The following INPP4B variants were observed in gnomAD, a reference collection of about 807,000 sequenced individuals.
INPP4B encodes the protein inositol polyphosphate 4-phosphatase type II.
INPP4B carries 55 observed loss-of-function variants against 122.5 expected under a neutral mutation model. That is an observed-to-expected ratio of 0.45 (90% confidence interval 0.36 to 0.56). The LOEUF (loss-of-function observed/expected upper bound fraction) is 0.56, where lower values mean the gene tolerates loss of function less well. Ranked by LOEUF, INPP4B falls within the 20% of genes least tolerant of loss-of-function variation. INPP4B has a pLI of 0.00. For missense variants in INPP4B, 1,000 were observed against 1,097.7 expected (o/e 0.91, Z 1.26); for synonymous variants, 403 against 388.7 (o/e 1.04, Z -0.43).
chr4:142,251,708 T>G (rs889213169), intron 11 of INPP4B, among the ~76,000 whole-genome samples: 1 of 152,216 alleles, frequency 6.6e-6, no homozygotes, highest in Non-Finnish European at 1.5e-5. Context: ...AACATATTGC[T>G]CAATTAAATT....
intron 2 of INPP4B, among the ~76,000 whole-genome samples, chr4:142,504,306 C>T (rs1823737725): frequency 6.6e-6 from 1 of 151,870 alleles, no homozygotes; most frequent in Non-Finnish European, 1.5e-5. Flanking sequence ...AGTGAAATGT[C>T]ACTTTATACC....
intron 14 of INPP4B, among the ~76,000 whole-genome samples, chr4:142,198,700 T>C (rs927583890): frequency 1.3e-5 from 2 of 152,132 alleles, no homozygotes; most frequent in Non-Finnish European, 2.9e-5. Flanking sequence ...GAATTACTTA[T>C]AGTTTGTGAA....
chr4:142,203,097 C>T (rs1460671633), intron 14 of INPP4B, among the ~76,000 whole-genome samples: 2 of 152,090 alleles, frequency 1.3e-5, no homozygotes, highest in Non-Finnish European at 2.9e-5. Flanking sequence ...GAAGTGATCA[C>T]CCCAGACCCT....
At chr4:142,633,078 C>T (rs1305980437) in intron 2 of INPP4B, among the ~76,000 whole-genome samples, 1 of 151,734 alleles carries the variant, frequency 6.6e-6, no homozygotes, top group African/African-American at 2.4e-5. Context: ...CAAATAATCT[C>T]AAAATAATGC....
intron 2 of INPP4B, among the ~76,000 whole-genome samples, chr4:142,491,743 C>T (rs1158520532): frequency 6.6e-6 from 1 of 152,122 alleles, no homozygotes; most frequent in Non-Finnish European, 1.5e-5. Flanking sequence ...GAAAAAAATG[C>T]TCACCATCAC....
At chr4:142,342,130 G>A (rs55705330) in intron 7 of INPP4B, among the ~76,000 whole-genome samples, 4,644 of 152,058 alleles carry the variant, frequency 0.031, 237 homozygotes, top group African/African-American at 0.1. Flanking sequence ...AAAAATAATA[G>A]AGCCTCCCAG....
intron 7 of INPP4B, among the ~76,000 whole-genome samples, chr4:142,323,679 T>A (rs1021969485): frequency 2.6e-5 from 4 of 152,032 alleles, no homozygotes; most frequent in Admixed American, 2.6e-4. Context: ...TCTCCTGACC[T>A]TGTGATCTGC....
intron 2 of INPP4B, among the ~76,000 whole-genome samples, chr4:142,706,287 C>T (rs953774830): frequency 6.6e-6 from 1 of 152,198 alleles, no homozygotes; most frequent in Non-Finnish European, 1.5e-5. Flanking sequence ...TGTTTGGCTG[C>T]CTGTCTCCCT....
At chr4:142,756,295 G>C (rs1380673480) in intron 1 of INPP4B, among the ~76,000 whole-genome samples, 1 of 152,052 alleles carries the variant, frequency 6.6e-6, no homozygotes, top group Non-Finnish European at 1.5e-5. Context: ...TGAAAATAAA[G>C]TAAGATTTTC....
chr4:142,684,803 A>T (rs1759113526), intron 2 of INPP4B, among the ~76,000 whole-genome samples: 1 of 152,008 alleles, frequency 6.6e-6, no homozygotes, highest in African/African-American at 2.4e-5. Flanking sequence ...CATTATTCTT[A>T]TACGAGAAAA....
At chr4:142,764,166 A>G (rs59804805) in intron 1 of INPP4B, among the ~76,000 whole-genome samples, 1 of 152,140 alleles carries the variant, frequency 6.6e-6, no homozygotes, top group Non-Finnish European at 1.5e-5. Context: ...ATGCATATGC[A>G]ATAAAAATAT....
At chr4:142,099,553 T>A (rs1025850381) in intron 23 of INPP4B, among the ~76,000 whole-genome samples, 2 of 152,274 alleles carry the variant, frequency 1.3e-5, no homozygotes, top group African/African-American at 4.8e-5. Context: ...TGGAATGACA[T>A]TCATGTGTTA....
chr4:142,174,877 C>T (rs1827362337), intron 15 of INPP4B, among the ~76,000 whole-genome samples: 1 of 152,046 alleles, frequency 6.6e-6, no homozygotes, highest in African/African-American at 2.4e-5. Flanking sequence ...GCCATCCTCC[C>T]CTCTTAGCCT....
intron 12 of INPP4B, among the ~76,000 whole-genome samples, chr4:142,231,384 C>T (rs1248646973): frequency 6.6e-6 from 1 of 152,154 alleles, no homozygotes; most frequent in Non-Finnish European, 1.5e-5. Flanking sequence ...TTTCTGCAAA[C>T]AAGACTCACA....
At chr4:142,159,405 A>AT (rs1292134732) in intron 17 of INPP4B, among the ~76,000 whole-genome samples, 3 of 152,016 alleles carry the variant, frequency 2.0e-5, no homozygotes, top group Admixed American at 2.0e-4. Context: ...CACCTCTGTC[A>AT]TTTTTGTGAT....
intron 3 of INPP4B, among the ~76,000 whole-genome samples, chr4:142,449,360 T>G (rs945987108): frequency 3.9e-5 from 6 of 152,096 alleles, no homozygotes; most frequent in African/African-American, 1.4e-4. Context: ...ACCCAGAAGC[T>G]TATTAGAAAT....
chr4:142,209,791 T>TAA (rs1248176243), intron 12 of INPP4B, among the ~76,000 whole-genome samples: 1 of 6,870 alleles, frequency 1.5e-4, no homozygotes, highest in African/African-American at 3.6e-4. Context: ...AGACCCCGTC[T>TAA]CAAAAAAAAA....
chr4:142,260,231 G>A (rs981985031), intron 11 of INPP4B, among the ~76,000 whole-genome samples: 9 of 152,056 alleles, frequency 5.9e-5, no homozygotes, highest in East Asian at 1.9e-4. Flanking sequence ...TGATCCGCCC[G>A]CCTCGGCCTC....
intron 2 of INPP4B, among the ~76,000 whole-genome samples, chr4:142,603,901 A>G (rs1560854170): frequency 1.2e-5 from 1 of 82,746 alleles, no homozygotes; most frequent in Non-Finnish European, 2.8e-5. Context: ...AAACCAGACA[A>G]GAACACACAC....
Sources: gnomAD v4.1 joint callset for allele counts (sites outside exome capture counted in the v4.1 genomes callset) on GRCh38, gnomAD v4.1.1 for gene constraint, MANE v1.5 for transcripts, NCBI Gene and HGNC (gene_info 2026-07-23, HGNC 2026-07-21) for gene names.